Variants in MYRIP observed in about 807,000 individuals in gnomAD.
The protein encoded by MYRIP is myosin VIIA and Rab interacting protein.
A neutral mutation model predicts 98.0 loss-of-function variants in MYRIP; 49 were observed. That is an observed-to-expected ratio of 0.50 (90% CI 0.40 to 0.63). MYRIP has a LOEUF of 0.63. Ranked by LOEUF, MYRIP falls within the 30% of genes least tolerant of loss-of-function variation. The pLI is 0.00. For missense variants in MYRIP, 1,004 were observed against 1,058.2 expected (o/e 0.95, Z 0.71); for synonymous variants, 404 against 409.5 (o/e 0.99, Z 0.16).
At chr3:39,812,184 C>T (rs1311411284) in intron 1 of MYRIP, among the ~76,000 whole-genome samples, 1 of 152,152 alleles carries the variant, frequency 6.6e-6, no homozygotes, top group African/African-American at 2.4e-5. Flanking sequence ...TCCAATCTTC[C>T]CATTACCCCT....
At chr3:40,121,198 A>T (rs1234333067) in intron 3 of MYRIP, among the ~76,000 whole-genome samples, 1 of 152,196 alleles carries the variant, frequency 6.6e-6, no homozygotes, top group African/African-American at 2.4e-5. Context: ...CCACATGAAT[A>T]GCACCTAGAA....
chr3:39,834,264 A>G (rs1941555233), intron 1 of MYRIP, among the ~76,000 whole-genome samples: 1 of 152,192 alleles, frequency 6.6e-6, no homozygotes, highest in Non-Finnish European at 1.5e-5. Flanking sequence ...TTGAACTTTT[A>G]AAAATATTGT....
chr3:39,847,062 C>T (rs1575300083), intron 1 of MYRIP, among the ~76,000 whole-genome samples: 1 of 152,318 alleles, frequency 6.6e-6, no homozygotes, highest in East Asian at 1.9e-4. Context: ...ATGCCAAGCT[C>T]ATCCAAAAAC....
intron 9 of MYRIP, 110 bp from the exon 10 acceptor site, chr3:40,189,716 C>A: frequency 8.3e-7 from 1 of 1,204,282 alleles, no homozygotes; most frequent in Non-Finnish European, 1.2e-6. Flanking sequence ...AAGGCAACTG[C>A]TCTCCAACAG....
chr3:40,186,229 G>A (rs895487242), intron 9 of MYRIP, among the ~76,000 whole-genome samples: 1 of 152,086 alleles, frequency 6.6e-6, no homozygotes, highest in African/African-American at 2.4e-5. Context: ...AGGCCCAGAG[G>A]ACTTTTCCTT....
At chr3:39,999,849 A>T (rs1349227663) in intron 2 of MYRIP, among the ~76,000 whole-genome samples, 1 of 152,162 alleles carries the variant, frequency 6.6e-6, no homozygotes, top group Non-Finnish European at 1.5e-5. Flanking sequence ...TGCAGCCATA[A>T]AAAATGATGA....
intron 2 of MYRIP, among the ~76,000 whole-genome samples, chr3:40,011,400 GCT>G (rs1477264073): frequency 6.6e-6 from 1 of 152,098 alleles, no homozygotes; most frequent in Non-Finnish European, 1.5e-5. Context: ...AGTGACCTAG[GCT>G]CACCGTTAAT....
intron 3 of MYRIP, among the ~76,000 whole-genome samples, chr3:40,073,726 C>T (rs551413558): frequency 2.6e-5 from 4 of 152,252 alleles, no homozygotes; most frequent in Middle Eastern, 3.4e-3. Context: ...TCTTAAGGGA[C>T]GTTTCAGAAC....
chr3:39,995,727 A>G (rs1478523221), intron 2 of MYRIP, among the ~76,000 whole-genome samples: 1 of 152,190 alleles, frequency 6.6e-6, no homozygotes, highest in East Asian at 1.9e-4. Flanking sequence ...TCCAAGACAC[A>G]TAATTGTCAG....
chr3:39,958,093 G>A (rs1945216880), intron 2 of MYRIP, among the ~76,000 whole-genome samples: 4 of 152,146 alleles, frequency 2.6e-5, no homozygotes, highest in Admixed American at 2.6e-4. Flanking sequence ...TCATGAAAAT[G>A]GCCATACTGC....
At chr3:39,840,129 A>C (rs1418440823) in intron 1 of MYRIP, among the ~76,000 whole-genome samples, 1 of 152,090 alleles carries the variant, frequency 6.6e-6, no homozygotes, top group Non-Finnish European at 1.5e-5. Context: ...GGTCTCTAAG[A>C]AGTTGCTTTA....
At chr3:39,911,818 G>A (rs1944027389) in intron 2 of MYRIP, among the ~76,000 whole-genome samples, 1 of 152,210 alleles carries the variant, frequency 6.6e-6, no homozygotes, top group African/African-American at 2.4e-5. Context: ...GGCTCCTTCA[G>A]TGCCTGGGGG....
intron 8 of MYRIP, among the ~76,000 whole-genome samples, chr3:40,178,847 C>T (rs182881239): frequency 1.4e-3 from 206 of 152,134 alleles, no homozygotes; most frequent in African/African-American, 4.5e-3. Flanking sequence ...ATCTGAAGGC[C>T]CAAATTCTCA....
chr3:40,066,263 T>C (rs572178540), intron 3 of MYRIP, among the ~76,000 whole-genome samples: 40 of 152,302 alleles, frequency 2.6e-4, no homozygotes, highest in African/African-American at 9.4e-4. Flanking sequence ...ATATGGAAGA[T>C]TCTGTCTTGG....
intron 1 of MYRIP, among the ~76,000 whole-genome samples, chr3:39,882,499 G>T (rs1024861079): frequency 1.3e-5 from 2 of 151,992 alleles, no homozygotes; most frequent in Non-Finnish European, 2.9e-5. Context: ...GTCTATTTTT[G>T]TCAGAACACA....
At chr3:40,239,267 A>G (rs905735695) in intron 12 of MYRIP, among the ~76,000 whole-genome samples, 7 of 150,798 alleles carry the variant, frequency 4.6e-5, no homozygotes, top group Non-Finnish European at 1.0e-4. Flanking sequence ...ATAGTATTCC[A>G]TGGTATATAT....
At chr3:40,241,017 G>A (rs146222171) in intron 12 of MYRIP, among the ~76,000 whole-genome samples, 11 of 152,236 alleles carry the variant, frequency 7.2e-5, no homozygotes, top group African/African-American at 2.2e-4. Context: ...CAAATTGGTC[G>A]GCCTCCCAGG....
intron 3 of MYRIP, among the ~76,000 whole-genome samples, chr3:40,112,944 C>T (rs1033771766): frequency 2.6e-5 from 4 of 152,166 alleles, no homozygotes; most frequent in East Asian, 1.9e-4. Flanking sequence ...TCCTTTCTCT[C>T]GAGCCTGATC....
intron 2 of MYRIP, among the ~76,000 whole-genome samples, chr3:40,012,201 A>G (rs1946773868): frequency 6.6e-6 from 1 of 152,198 alleles, no homozygotes. Flanking sequence ...TCTTCAATCA[A>G]GTGTAGATGA....
Sources: allele counts gnomAD v4.1 joint callset (sites outside exome capture counted in the v4.1 genomes callset), GRCh38; gene constraint gnomAD v4.1.1; transcripts MANE v1.5; gene names NCBI Gene and HGNC (gene_info 2026-07-23, HGNC 2026-07-21).